SLC30A4: variants seen among roughly 807,000 people sequenced by gnomAD.
SLC30A4 encodes the protein probable proton-coupled zinc antiporter SLC30A4.
In SLC30A4, 20 loss-of-function variants were observed where a neutral mutation model predicts 41.7. The ratio of observed to expected loss-of-function variants is 0.48; its 90% CI spans 0.34 to 0.70. The LOEUF (loss-of-function observed/expected upper bound fraction) is 0.70. SLC30A4 is among the 30% of genes least tolerant of loss of function. The pLI is 0.01. For missense variants in SLC30A4, 441 were observed against 529.3 expected (o/e 0.83, Z 1.64); for synonymous variants, 181 against 195.9 (o/e 0.92, Z 0.64).
At position 45,522,450 on chromosome 15, in the gene SLC30A4, C is replaced by G. The variant is rs1274190601; in HGVS notation, c.-96G>C. 1 of 1,150,996 alleles carries G rather than the reference C, an allele frequency of 8.7e-7. No homozygotes were observed. Among genetic ancestry groups the G allele is most frequent in the Middle Eastern group, 3.0e-4 (1 of 3,386 alleles). 71.3% of individuals were successfully genotyped at this position (1,150,996 alleles called of 1,614,324 possible). A position where few individuals can be genotyped will look rare whatever the true frequency, so the allele number is the denominator to read the frequency against. On this transcript the variant is annotated 5_prime_UTR_variant, in exon 2 of 8. Transcript: ENST00000261867. The stretch of plus-strand genomic sequence containing the variant: ...GGAGCGCCAGTTCTCGAGGGCAGTG[C>G]CGCGCGTCCCTCCCCATCCTGTGGA...
At chr15:45,513,003 A>T (rs1892345294) in intron 2 of SLC30A4, among the ~76,000 whole-genome samples, 1 of 151,948 alleles carries the variant, frequency 6.6e-6, no homozygotes, top group Admixed American at 6.6e-5. Flanking sequence ...GACTAAAAAA[A>T]AAAAAGAAAA....
At chr15:45,486,896 T>A (rs1013082472) in intron 6 of SLC30A4, 151 bp from the exon 7 acceptor site, 5 of 489,722 alleles carry the variant, frequency 1.0e-5, no homozygotes, top group African/African-American at 1.0e-4. Flanking sequence ...AGATAAACCA[T>A]GTACACATAT....
At chr15:45,498,049 A>G (rs1891942776) in intron 3 of SLC30A4, among the ~76,000 whole-genome samples, 1 of 152,242 alleles carries the variant, frequency 6.6e-6, no homozygotes, top group South Asian at 2.1e-4. Flanking sequence ...TGATGCCAAT[A>G]ATGAGTATTG....
At chr15:45,518,120 T>C (rs1892546810) in intron 2 of SLC30A4, among the ~76,000 whole-genome samples, 1 of 152,220 alleles carries the variant, frequency 6.6e-6, no homozygotes, top group Non-Finnish European at 1.5e-5. Flanking sequence ...TTCTAATTCC[T>C]TTCGAAGAAT....
chr15:45,520,614 G>A (rs933840015), intron 2 of SLC30A4, among the ~76,000 whole-genome samples: 3 of 152,092 alleles, frequency 2.0e-5, no homozygotes, highest in Non-Finnish European at 4.4e-5. Flanking sequence ...ACAAGAAACT[G>A]GCCAAGAAAA....
Position 45,485,104 on chromosome 15 carries a change from T to C in SLC30A4, c.*59A>G. ...ATTTTCTCATTTAGGTTTGCATTTATTGCTCTCAAGTCTGTGACTGCAGGA... is the reference window on the plus strand; with the variant it reads ...ATTTTCTCATTTAGGTTTGCATTTACTGCTCTCAAGTCTGTGACTGCAGGA... On this transcript the variant is annotated 3_prime_UTR_variant, in exon 8 of 8. Coordinates refer to ENST00000261867, the MANE Select transcript of SLC30A4 (RefSeq NM_013309.6). The C allele has an allele frequency of 7.3e-7, 1 of 1,378,718 alleles. No individual in the cohort carries two copies. The highest frequency in any genetic ancestry group is 1.0e-6 in the Non-Finnish European group (1 of 987,686). 85.4% of individuals were successfully genotyped at this position (1,378,718 alleles called of 1,614,324 possible).
intron 3 of SLC30A4, among the ~76,000 whole-genome samples, chr15:45,508,129 GGTT>G (rs1324358932): frequency 6.6e-6 from 1 of 152,070 alleles, no homozygotes; most frequent in Non-Finnish European, 1.5e-5. Context: ...AGCCTAAAAT[GGTT>G]ATTAATATGG....
chr15:45,485,488 C>G (rs1566874255), intron 7 of SLC30A4, among the ~76,000 whole-genome samples, 171 bp from the exon 8 acceptor site: 2 of 152,152 alleles, frequency 1.3e-5, no homozygotes, highest in Middle Eastern at 3.2e-3. Context: ...TCCTTAATGG[C>G]TTCTCATTAT....
At chr15:45,514,204 G>C (rs913826898) in intron 2 of SLC30A4, among the ~76,000 whole-genome samples, 1 of 151,908 alleles carries the variant, frequency 6.6e-6, no homozygotes, top group African/African-American at 2.4e-5. Flanking sequence ...AATTAGTTGG[G>C]CATGGTGGCA....
chr15:45,521,694 G>A (rs565413814), intron 2 of SLC30A4: 1 of 385,798 alleles, frequency 2.6e-6, no homozygotes, highest in South Asian at 7.4e-5. Context: ...GAAGTTACAT[G>A]ACATACAATG....
chr15:45,487,788 C>G (rs1891732378), intron 5 of SLC30A4, among the ~76,000 whole-genome samples, 156 bp from the exon 6 acceptor site: 1 of 152,230 alleles, frequency 6.6e-6, no homozygotes, highest in Admixed American at 6.5e-5. Context: ...AGCATCTTCA[C>G]TCTATCCTAG....
intron 3 of SLC30A4, chr15:45,496,964 C>G (rs1185948580): frequency 6.6e-6 from 1 of 151,824 alleles, no homozygotes; most frequent in Non-Finnish European, 1.5e-5. Flanking sequence ...GAGGTCAAGA[C>G]TGTAGTGAGC....
In SLC30A4 at chr15:45,522,021, C is replaced by T. The variant is rs2140868238; in HGVS notation, c.334G>A (p.Ala112Thr). The change falls in exon 2 of 8, where the codon GCC becomes ACC. Residue 112 changes from alanine to threonine, a missense_variant. Coordinates refer to ENST00000261867, the MANE Select transcript of SLC30A4 (RefSeq NM_013309.6). Reference sequence around the variant, plus strand: ...AGAACGGCAGCAATGGTCAACCTGGCTTTCACCTTTCTCTGCTTCAGTATC... The same window carrying T: ...AGAACGGCAGCAATGGTCAACCTGGTTTTCACCTTTCTCTGCTTCAGTATC... ...REILKQRKVK[A>T]RLTIAAVLYL... 2 of 1,614,230 alleles carry T rather than the reference C, an allele frequency of 1.2e-6. No homozygotes were observed. The highest frequency in any genetic ancestry group is 1.6e-4 in the Middle Eastern group (1 of 6,062).
chr15:45,519,389 T>A (rs1322904406), intron 2 of SLC30A4: 1 of 150,670 alleles, frequency 6.6e-6, no homozygotes, highest in Non-Finnish European at 1.5e-5. Flanking sequence ...AGGTGCGCCA[T>A]GACGCCTGGC....
intron 2 of SLC30A4, among the ~76,000 whole-genome samples, chr15:45,516,596 T>C (rs2140858916): frequency 6.6e-6 from 1 of 152,302 alleles, no homozygotes; most frequent in Non-Finnish European, 1.5e-5. Context: ...AGGCCAGGTA[T>C]GGTGGCTCAC....
rs752397598 is a variant in SLC30A4, at chr15:45,522,402, C to T, written c.-48G>A. ...TGCGGAACGGCTTGGGGGAGGCGGA[C>T]GGCCGGCGGCGCCTACTTCACCGGA... On this transcript the variant is annotated 5_prime_UTR_variant, in exon 2 of 8. Transcript: ENST00000261867. The T allele has an allele frequency of 7.9e-6, 12 of 1,514,628 alleles. No homozygotes were observed. Among genetic ancestry groups the T allele is most frequent in the Non-Finnish European group, 1.1e-5 (12 of 1,138,052 alleles). 93.8% of individuals were successfully genotyped at this position (1,514,628 alleles called of 1,614,324 possible).
rs574580436 is a variant in SLC30A4, at chr15:45,492,860, A to G, written c.539-1979T>C. The stretch of plus-strand genomic sequence containing the variant: ...TGAGGAGAACTGGTGGCTGGGAGAC[A>G]GGGATGACCTTGCCCTATATATGCT... On this transcript the variant is annotated intron_variant, in intron 3 of 7. Transcript: ENST00000261867. 2.6e-5 allele frequency among the ~76,000 whole-genome samples: 4 copies of G among 152,344 alleles called. No homozygotes were observed. The South Asian group carries it at 8.3e-4, about 32-fold the overall frequency.
At chr15:45,487,960 A>AGT (rs58392709) in intron 5 of SLC30A4, among the ~76,000 whole-genome samples, 1,948 of 139,752 alleles carry the variant, frequency 0.014, 45 homozygotes, top group Non-Finnish European at 0.015. Context: ...GCTGGAAAAA[A>AGT]GTGTGTGTGT....
At chr15:45,510,864 C>T (rs1244604870) in intron 3 of SLC30A4, among the ~76,000 whole-genome samples, 2 of 152,132 alleles carry the variant, frequency 1.3e-5, no homozygotes, top group African/African-American at 4.8e-5. Flanking sequence ...GTTCAATAAA[C>T]TGAAAGTAAA....
Sources: gnomAD v4.1 joint callset for allele counts (sites outside exome capture counted in the v4.1 genomes callset) on GRCh38, gnomAD v4.1.1 for gene constraint, MANE v1.5 for transcripts, NCBI Gene and HGNC (gene_info 2026-07-23, HGNC 2026-07-21) for gene names.